CES1: variants seen among roughly 807,000 people sequenced by gnomAD.
CES1 encodes carboxylesterase 1, also known as liver carboxylesterase 1.
CES1 carries 50 observed loss-of-function variants against 53.0 expected under a neutral mutation model. The observed-to-expected ratio is 0.94, with a 90% CI of 0.75 to 1.19. The LOEUF (loss-of-function observed/expected upper bound fraction) is 1.19. Among genes scored for constraint, CES1 ranks in the 50% most tolerant of loss-of-function variants. The pLI, the probability that CES1 is intolerant of heterozygous loss-of-function variation, is 0.00. For synonymous variants in CES1, 202 were observed against 210.1 expected (o/e 0.96, Z 0.33); for missense variants, 534 against 538.0 (o/e 0.99, Z 0.07).
At chr16:55,828,368 A>G (rs1239110244) in intron 2 of CES1, among the ~76,000 whole-genome samples, 1 of 152,206 alleles carries the variant, frequency 6.6e-6, no homozygotes, top group Non-Finnish European at 1.5e-5. Context: ...AGCAGAATTC[A>G]TGGGATCCTT....
intron 4 of CES1, 40 bp from the exon 5 acceptor site, chr16:55,821,561 T>C: frequency 1.2e-6 from 2 of 1,612,866 alleles, no homozygotes; most frequent in Non-Finnish European, 1.7e-6. Flanking sequence ...GGAGCAGAGA[T>C]GTCATGCAGG....
intron 8 of CES1, among the ~76,000 whole-genome samples, chr16:55,814,822 C>G (rs546571372): frequency 1.5e-4 from 23 of 152,348 alleles, no homozygotes; most frequent in Admixed American, 5.9e-4. Context: ...GGGAGATGTT[C>G]TGAAAAGTGG....
chr16:55,811,782 C>T (rs1397788670), intron 9 of CES1, among the ~76,000 whole-genome samples: 1 of 152,152 alleles, frequency 6.6e-6, no homozygotes, highest in African/African-American at 2.4e-5. Flanking sequence ...AATCTACCAC[C>T]CAACCCCATT....
At chr16:55,829,378 A>G (rs1270767982) in intron 1 of CES1, among the ~76,000 whole-genome samples, 1 of 152,256 alleles carries the variant, frequency 6.6e-6, no homozygotes, top group South Asian at 2.1e-4. Context: ...GAAGGGTCAC[A>G]TATACACCTG....
chr16:55,830,346 G>T (rs2032587768), intron 1 of CES1, among the ~76,000 whole-genome samples: 1 of 152,070 alleles, frequency 6.6e-6, no homozygotes, highest in South Asian at 2.1e-4. Context: ...GCAATGGGTG[G>T]TGGCATTACA....
intron 2 of CES1, among the ~76,000 whole-genome samples, chr16:55,827,513 G>T (rs186186295): frequency 6.6e-6 from 1 of 151,970 alleles, no homozygotes; most frequent in Non-Finnish European, 1.5e-5. Context: ...GGAATATTTT[G>T]GGAGGGAAAT....
rs79252647 is a variant in CES1 at position 55,817,278 on chromosome 16, T to G, written c.907-316A>C. Among the ~76,000 whole-genome samples the G allele has an allele frequency of 2.5e-3, 377 of 152,194 alleles. 5 individuals carry two copies. The East Asian group carries it at 0.044, about 18-fold the overall frequency. ...CCCAGGAGATATATCTGCCTAAGAG[T>G]GAAGCCAACACAGAGATGTGCAAAG... On this transcript the variant is annotated intron_variant, in intron 7 of 13. Transcript: ENST00000360526.
intron 11 of CES1, among the ~76,000 whole-genome samples, chr16:55,809,464 T>A (rs2031590317): frequency 6.6e-6 from 1 of 152,220 alleles, no homozygotes; most frequent in Non-Finnish European, 1.5e-5. Context: ...ACTAGGCGAA[T>A]GAGAGCTGGA....
At chr16:55,815,164 C>T (rs1314994725) in intron 8 of CES1, among the ~76,000 whole-genome samples, 6 of 152,294 alleles carry the variant, frequency 3.9e-5, no homozygotes, top group African/African-American at 1.4e-4. Flanking sequence ...GAGTTCTTGG[C>T]TTGGAGAAAT....
chr16:55,821,551 G>A lies in CES1; in HGVS notation c.540-30C>T, dbSNP rs772972442. The A allele has an allele frequency of 3.0e-5, 49 of 1,613,960 alleles. No homozygotes were observed. In the African/African-American group the frequency reaches 3.6e-4, roughly 12 times the overall value. On this transcript the variant is annotated intron_variant, in intron 4 of 13. Transcript: ENST00000360526. Reference sequence around the variant, plus strand: ...GAGGAAGAGAACAGGTTGAGGGTGGGGAGCAGAGATGTCATGCAGGACCTT... The same window carrying A: ...GAGGAAGAGAACAGGTTGAGGGTGGAGAGCAGAGATGTCATGCAGGACCTT...
intron 1 of CES1, among the ~76,000 whole-genome samples, chr16:55,831,915 G>A (rs147795206): frequency 0.022 from 3,275 of 151,506 alleles, 13 homozygotes; most frequent in Non-Finnish European, 0.035. Context: ...GAGGCCCCTC[G>A]CTGCACCCCT....
chr16:55,831,820 G>A (rs3859096), intron 1 of CES1, among the ~76,000 whole-genome samples: 9,929 of 149,462 alleles, frequency 0.066, 34 homozygotes, highest in East Asian at 0.24. Flanking sequence ...AGACCTAGGC[G>A]TGATTTTCGG....
At position 55,819,465 on chromosome 16, in the gene CES1, G is replaced by C. The variant is rs201499692; in HGVS notation, c.906+70C>G. The stretch of plus-strand genomic sequence containing the variant: ...GTCCCAGGAAACTGTCCCTGGGCAA[G>C]AGGACAGCTGAAATGAAGAAGTCTG... On this transcript the variant is annotated intron_variant, in intron 7 of 13. Transcript: ENST00000360526. 6.7e-5 allele frequency: 76 copies of C among 1,128,862 alleles called. No homozygotes were observed. In the East Asian group the frequency reaches 1.7e-3, roughly 25 times the overall value. The allele number at this position is 1,128,862 out of a possible 1,614,324, so 69.9% of individuals were successfully genotyped here.
Position 55,810,962 on chromosome 16 carries a change from C to T in CES1, c.1135G>A (p.Ala379Thr), listed in dbSNP as rs775155971. The T allele has an allele frequency of 4.3e-6, 7 of 1,613,676 alleles. No individual in the cohort carries two copies. The highest frequency in any genetic ancestry group is 5.9e-6 in the Non-Finnish European group (7 of 1,179,930). Residue 379 changes from alanine (A) to threonine (T), a missense_variant, in exon 10 of 14, where the codon GCC becomes ACC. Physicochemically the swap from Ala to Thr is moderately conservative, Grantham distance 58. Coordinates refer to ENST00000360526, the MANE Select transcript of CES1 (RefSeq NM_001025195.2). ...LSEGQLDQKTAMSLLWKSYPL... is the reference protein window; with the variant it reads ...LSEGQLDQKTTMSLLWKSYPL... ...TAGGACTTCCACAGGAGTGACATGG[C>T]TGTCTTCTGGTCCAGTTGCCCTTCG...
At chr16:55,822,021 C>T (rs2032220698) in intron 4 of CES1, among the ~76,000 whole-genome samples, 1 of 152,222 alleles carries the variant, frequency 6.6e-6, no homozygotes, top group South Asian at 2.1e-4. Flanking sequence ...ACAATGAGCA[C>T]ATGAACCTTG....
At chr16:55,826,090 G>T (rs868161337) in intron 3 of CES1, 61 bp downstream of exon 3, 2 of 1,607,224 alleles carry the variant, frequency 1.2e-6, no homozygotes, top group South Asian at 1.1e-5. Flanking sequence ...CTTCCATTCT[G>T]CCCCAGAAGA....
intron 11 of CES1, among the ~76,000 whole-genome samples, chr16:55,808,543 T>C (rs1253886353): frequency 6.6e-6 from 1 of 152,228 alleles, no homozygotes; most frequent in Non-Finnish European, 1.5e-5. Context: ...CACATTCTTA[T>C]GCAGTGGAAT....
chr16:55,810,503 C>A lies in CES1; in HGVS notation c.1318+14G>T. ...TGGGGTTTGTGTCCCTCCCGTTCGA[C>A]CTCTGGGACTCACCTCTGTGGTTCC... On this transcript the variant is annotated intron_variant, in intron 11 of 13. Coordinates refer to ENST00000360526, the MANE Select transcript of CES1 (RefSeq NM_001025195.2). The A allele has an allele frequency of 6.2e-7, 1 of 1,614,106 alleles. No individual in the cohort carries two copies. The highest frequency in any genetic ancestry group is 8.5e-7 in the Non-Finnish European group (1 of 1,180,030).
intron 1 of CES1, among the ~76,000 whole-genome samples, chr16:55,830,807 A>AAGGAAGGAAGGAAGGAAGGG (rs1567509439): frequency 6.9e-6 from 1 of 145,224 alleles, no homozygotes; most frequent in African/African-American, 2.6e-5. Context: ...GGAAGGAAGG[A>AAGGAAGGAAGGAAGGAAGGG]AGGAAGGAAG....
Sources: allele counts gnomAD v4.1 joint callset (sites outside exome capture counted in the v4.1 genomes callset), GRCh38; gene constraint gnomAD v4.1.1; transcripts MANE v1.5; gene names NCBI Gene and HGNC (gene_info 2026-07-23, HGNC 2026-07-21).